The following SGMS1 variants were observed in gnomAD, a reference collection of about 807,000 sequenced individuals.
SGMS1 encodes the protein phosphatidylcholine:ceramide cholinephosphotransferase 1.
SGMS1 carries 13 observed loss-of-function variants against 46.2 expected under a neutral mutation model. The ratio of observed to expected loss-of-function variants is 0.28; its 90% CI spans 0.18 to 0.45. The LOEUF (loss-of-function observed/expected upper bound fraction) is 0.45, where lower values mean the gene tolerates loss of function less well. SGMS1 is among the 20% of genes least tolerant of loss of function. The probability of loss-of-function intolerance (pLI) is 1.00; values close to 1 mark genes in which losing one functional copy is unlikely to be tolerated. For synonymous variants in SGMS1, 203 were observed against 187.8 expected, an observed-to-expected ratio of 1.08 and a Z score of -0.66; for missense variants, 324 against 519.9, an observed-to-expected ratio of 0.62 and a Z score of 3.66.
chr10:50,365,255 C>CAAAAAAAAAAAAAAAAAAA lies in SGMS1; in HGVS notation c.-231-20929_-231-20911dup, dbSNP rs67951872. Among the ~76,000 whole-genome samples the CAAAAAAAAAAAAAAAAAAA allele has an allele frequency of 5.3e-4, 24 of 45,028 alleles. 1 individual carries two copies. The highest frequency in any genetic ancestry group is 1.9e-3 in the East Asian group (3 of 1,594). 29.5% of individuals were successfully genotyped at this position (45,028 alleles called of 152,430 possible). A position where few individuals can be genotyped will look rare whatever the true frequency, so the allele number is the denominator to read the frequency against. ...GCGACGGAGTGAGACTCCATCTCAC[C>CAAAAAAAAAAAAAAAAAAA]AAAAAAAAAAAAAAAAAAAAAAAGC... On this transcript the variant is annotated intron_variant, in intron 6 of 10. Transcript: ENST00000361781.
intron 6 of SGMS1, among the ~76,000 whole-genome samples, chr10:50,349,791 T>G (rs1847974985): frequency 6.6e-6 from 1 of 152,226 alleles, no homozygotes; most frequent in Non-Finnish European, 1.5e-5. Context: ...GCCATGATTC[T>G]CAGGCCTCTG....
intron 2 of SGMS1, among the ~76,000 whole-genome samples, chr10:50,584,760 G>A (rs1159012864): frequency 1.3e-5 from 2 of 152,150 alleles, no homozygotes; most frequent in Non-Finnish European, 2.9e-5. Context: ...TATGACCAGG[G>A]CTTCCTGCAT....
chr10:50,413,361 AC>A (rs1302989093), intron 6 of SGMS1, among the ~76,000 whole-genome samples: 2 of 152,228 alleles, frequency 1.3e-5, no homozygotes, highest in African/African-American at 4.8e-5. Flanking sequence ...TAAAATGTGT[AC>A]ACTGTATACA....
intron 6 of SGMS1, among the ~76,000 whole-genome samples, chr10:50,430,278 G>A (rs753093618): frequency 2.0e-5 from 3 of 152,006 alleles, no homozygotes; most frequent in African/African-American, 4.8e-5. Context: ...CAACATTATA[G>A]ACTACGTACA....
chr10:50,624,905 A>T, upstream of SGMS1: 1 of 1,004,306 alleles, frequency 1.0e-6, no homozygotes, highest in Non-Finnish European at 1.2e-6. Context: ...GGGCGCGGCT[A>T]CGGGCCCGGC....
chr10:50,427,533 T>G (rs1030047962), intron 6 of SGMS1, among the ~76,000 whole-genome samples: 1 of 152,180 alleles, frequency 6.6e-6, no homozygotes, highest in South Asian at 2.1e-4. Flanking sequence ...ACAAATTAAA[T>G]GGCACAGTAA....
At chr10:50,608,954 T>C (rs1474158344) in intron 1 of SGMS1, among the ~76,000 whole-genome samples, 3 of 152,152 alleles carry the variant, frequency 2.0e-5, no homozygotes, top group Non-Finnish European at 4.4e-5. Flanking sequence ...ACAATGTAAA[T>C]GCTGGGTAAA....
At chr10:50,624,528 G>C (rs561019707), upstream of SGMS1, 922 of 937,078 alleles carry the variant, frequency 9.8e-4, 5 homozygotes, top group African/African-American at 0.014. Flanking sequence ...CTGGGAGCGC[G>C]ACGGAGGCGC....
At chr10:50,599,371 G>A (rs571121209) in intron 1 of SGMS1, among the ~76,000 whole-genome samples, 47 of 152,154 alleles carry the variant, frequency 3.1e-4, no homozygotes, top group African/African-American at 8.9e-4. Context: ...AATAAAACAC[G>A]TAGGAACAGT....
At chr10:50,611,800 C>G (rs1838752465) in intron 1 of SGMS1, among the ~76,000 whole-genome samples, 1 of 152,140 alleles carries the variant, frequency 6.6e-6, no homozygotes, top group African/African-American at 2.4e-5. Flanking sequence ...TTTCCTCCAC[C>G]CTTCCCTCTC....
intron 2 of SGMS1, among the ~76,000 whole-genome samples, chr10:50,571,808 C>T (rs1838339292): frequency 1.3e-5 from 2 of 151,916 alleles, no homozygotes; most frequent in African/African-American, 4.8e-5. Context: ...CTCATTTAAT[C>T]CTTAAAATCA....
chr10:50,530,485 G>A (rs995874779), intron 2 of SGMS1, among the ~76,000 whole-genome samples: 1 of 152,192 alleles, frequency 6.6e-6, no homozygotes, highest in Non-Finnish European at 1.5e-5. Flanking sequence ...CTGAGAAGCA[G>A]AATCTTCTTT....
At chr10:50,446,871 T>C (rs1203386) in intron 5 of SGMS1, among the ~76,000 whole-genome samples, 32,623 of 152,104 alleles carry the variant, frequency 0.21, 3,719 homozygotes, top group Non-Finnish European at 0.25. Context: ...CACAAAATAA[T>C]TTATTTGAAT....
intron 6 of SGMS1, among the ~76,000 whole-genome samples, chr10:50,389,321 T>C (rs1848731558): frequency 6.6e-6 from 1 of 152,204 alleles, no homozygotes; most frequent in South Asian, 2.1e-4. Context: ...GTCATGGCTG[T>C]ACTAATATAA....
chr10:50,583,075 C>A (rs1838450082), intron 2 of SGMS1, among the ~76,000 whole-genome samples: 1 of 152,114 alleles, frequency 6.6e-6, no homozygotes, highest in Non-Finnish European at 1.5e-5. Flanking sequence ...TTAATTCGAT[C>A]CTTCTCAGAA....
intron 6 of SGMS1, among the ~76,000 whole-genome samples, chr10:50,356,280 C>T (rs911869140): frequency 6.6e-6 from 1 of 152,220 alleles, no homozygotes; most frequent in Non-Finnish European, 1.5e-5. Flanking sequence ...CTCTCTGAAA[C>T]ATGTGCTGTG....
At chr10:50,529,870 C>T (rs1351950963) in intron 2 of SGMS1, among the ~76,000 whole-genome samples, 2 of 152,278 alleles carry the variant, frequency 1.3e-5, no homozygotes, top group South Asian at 2.1e-4. Context: ...GAACCATGTA[C>T]TGGAGGACCC....
At chr10:50,564,218 A>G (rs1474105388) in intron 2 of SGMS1, among the ~76,000 whole-genome samples, 1 of 152,226 alleles carries the variant, frequency 6.6e-6, no homozygotes, top group Non-Finnish European at 1.5e-5. Context: ...TGCTGCAAGG[A>G]AGTGACTAAA....
At chr10:50,402,321 T>A (rs1848953139) in intron 6 of SGMS1, among the ~76,000 whole-genome samples, 1 of 152,236 alleles carries the variant, frequency 6.6e-6, no homozygotes, top group Non-Finnish European at 1.5e-5. Flanking sequence ...TTAATCTATC[T>A]TCCTATTGTT....
Sources: gnomAD v4.1 joint callset for allele counts (sites outside exome capture counted in the v4.1 genomes callset) on GRCh38, gnomAD v4.1.1 for gene constraint, MANE v1.5 for transcripts, NCBI Gene and HGNC (gene_info 2026-07-23, HGNC 2026-07-21) for gene names.